The following G3BP2 variants were observed in gnomAD, a reference collection of about 807,000 sequenced individuals.
G3BP2 encodes G3BP stress granule assembly factor 2, also known as ras GTPase-activating protein-binding protein 2.
In G3BP2, 11 loss-of-function variants were observed where a neutral mutation model predicts 56.7. The observed-to-expected ratio is 0.19, with a 90% CI of 0.12 to 0.32. The LOEUF is 0.32. Among genes scored for constraint, G3BP2 ranks in the 10% least tolerant of loss-of-function variants. The pLI, the probability that G3BP2 is intolerant of heterozygous loss-of-function variation, is 1.00. For missense variants in G3BP2, 340 were observed against 610.9 expected, an observed-to-expected ratio of 0.56 and a Z score of 4.67; for synonymous variants, 165 against 191.6, an observed-to-expected ratio of 0.86 and a Z score of 1.15.
chr4:75,660,776 G>T lies in G3BP2; in HGVS notation c.95+1155C>A, dbSNP rs139674898. ...TATTTATCCTTAACCCATCTGGCCA[G>T]TGTGTTCTGCAATACTTACAAAGTC... On this transcript the variant is annotated intron_variant, in intron 2 of 11. Transcript: ENST00000359707. 8.5e-5 allele frequency among the ~76,000 whole-genome samples: 13 copies of T among 152,260 alleles called. No individual in the cohort carries two copies. The East Asian group carries it at 2.5e-3, about 29-fold the overall frequency.
intron 3 of G3BP2, among the ~76,000 whole-genome samples, chr4:75,701,007 A>AT (rs903474793): frequency 6.7e-6 from 1 of 148,422 alleles, no homozygotes; most frequent in African/African-American, 2.5e-5. Flanking sequence ...CCTGCTATAT[A>AT]TTTTTTTGTA....
chr4:75,705,676 G>A (rs570911428), intron 3 of G3BP2, among the ~76,000 whole-genome samples: 9 of 152,202 alleles, frequency 5.9e-5, no homozygotes, highest in South Asian at 4.2e-4. Flanking sequence ...TGGAAAGGCC[G>A]TCCCTCCAGA....
At chr4:75,676,482 A>C (rs1256619923), upstream of G3BP2, among the ~76,000 whole-genome samples, 2 of 151,874 alleles carry the variant, frequency 1.3e-5, no homozygotes, top group African/African-American at 4.8e-5. Flanking sequence ...GGCTAGGACT[A>C]CAGGCATGTG....
chr4:75,684,431 A>C (rs1718488079), intron 3 of G3BP2, among the ~76,000 whole-genome samples: 1 of 151,802 alleles, frequency 6.6e-6, no homozygotes. Context: ...TAAAAATAAT[A>C]AAAATAAAAA....
chr4:75,672,160 CT>C (rs1343261486), intron 1 of G3BP2, among the ~76,000 whole-genome samples: 10 of 151,964 alleles, frequency 6.6e-5, no homozygotes, highest in African/African-American at 1.9e-4. Context: ...GTGCAAGTGC[CT>C]TTTTTTTGTT....
At chr4:75,653,953 T>C (rs755126840) in intron 8 of G3BP2, 30 bp downstream of exon 8, 1 of 956,042 alleles carries the variant, frequency 1.0e-6, no homozygotes, top group Non-Finnish European at 1.7e-6. Flanking sequence ...GTAACAAGGA[T>C]ACAATCCAAT....
At position 75,705,211 on chromosome 4, in the gene G3BP2, A is replaced by G. The variant is rs542368956; in HGVS notation, c.-25+15666T>C. ...CCAGTGGAGGGCTCAGGTCCATTAAACTGCCTGACCTCCCAGCATTCGGGT... is the reference window on the plus strand; with the variant it reads ...CCAGTGGAGGGCTCAGGTCCATTAAGCTGCCTGACCTCCCAGCATTCGGGT... On this transcript the variant is annotated intron_variant, in intron 3 of 3. Coordinates refer to the G3BP2 transcript ENST00000499709. Among the ~76,000 whole-genome samples, 18 of 152,264 alleles carry G rather than the reference A, an allele frequency of 1.2e-4. No homozygotes were observed. The South Asian group carries it at 2.3e-3, about 19-fold the overall frequency.
intron 3 of G3BP2, chr4:75,694,801 G>A (rs1719035831): frequency 1.0e-6 from 1 of 985,520 alleles, no homozygotes; most frequent in Non-Finnish European, 1.2e-6. Context: ...ACCTTACCAA[G>A]TTCCAGGAAG....
At chr4:75,684,185 C>T (rs1238679617) in intron 3 of G3BP2, among the ~76,000 whole-genome samples, 1 of 152,106 alleles carries the variant, frequency 6.6e-6, no homozygotes, top group African/African-American at 2.4e-5. Context: ...GTGGGCGGAT[C>T]ATGAGGTCAA....
At chr4:75,674,718 A>ATATATATATATATATATATATTTTTT (rs1241041465), upstream of G3BP2, among the ~76,000 whole-genome samples, 3 of 71,418 alleles carry the variant, frequency 4.2e-5, no homozygotes, top group African/African-American at 1.8e-4. Context: ...ATATATATAT[A>ATATATATATATATATATATATTTTTT]TTTTTTTTTT....
At chr4:75,718,238 CTTTT>C (rs11339894) in intron 3 of G3BP2, among the ~76,000 whole-genome samples, 1 of 146,220 alleles carries the variant, frequency 6.8e-6, no homozygotes. Context: ...TTCTTTCTTT[CTTTT>C]TTTTTTTTAG....
intron 1 of G3BP2, among the ~76,000 whole-genome samples, chr4:75,662,690 C>T (rs912342385): frequency 6.6e-6 from 1 of 152,104 alleles, no homozygotes; most frequent in East Asian, 1.9e-4. Flanking sequence ...ATTTCCCTAC[C>T]CTTCGGTAAA....
intron 11 of G3BP2, among the ~76,000 whole-genome samples, chr4:75,646,137 T>G (rs1731194810): frequency 6.6e-6 from 1 of 152,210 alleles, no homozygotes; most frequent in Non-Finnish European, 1.5e-5. Context: ...TCTTGCAATC[T>G]TTCCCACCTT....
chr4:75,673,763 G>T, upstream of G3BP2: 1 of 456,032 alleles, frequency 2.2e-6, no homozygotes, highest in Non-Finnish European at 3.5e-6. Context: ...CTGATATTCT[G>T]GTCCTTTTTA....
At chr4:75,720,501 C>CA (rs34007469) in intron 3 of G3BP2, among the ~76,000 whole-genome samples, 1,290 of 115,742 alleles carry the variant, frequency 0.011, 21 homozygotes, top group African/African-American at 0.027. Context: ...GACTCCGTCT[C>CA]AAAAAAAAAA....
At chr4:75,694,973 ATCG>A in intron 3 of G3BP2, 1 of 980,844 alleles carries the variant, frequency 1.0e-6, no homozygotes, top group Non-Finnish European at 1.2e-6. Flanking sequence ...AGAAGAGGTA[ATCG>A]TCAAGACCCG....
chr4:75,691,475 C>T (rs1373064044), intron 3 of G3BP2, among the ~76,000 whole-genome samples: 1 of 152,214 alleles, frequency 6.6e-6, no homozygotes. Flanking sequence ...TCCCAAAGTA[C>T]TGGGATTACA....
chr4:75,691,033 C>T (rs560568378), intron 3 of G3BP2, among the ~76,000 whole-genome samples: 15 of 152,154 alleles, frequency 9.9e-5, no homozygotes, highest in African/African-American at 3.6e-4. Context: ...CCCTGACTCC[C>T]AGACTGGGTA....
chr4:75,657,779 C>T lies in G3BP2; in HGVS notation c.178-49G>A, dbSNP rs772652316. On this transcript the variant is annotated intron_variant, in intron 3 of 11. Transcript: ENST00000359707. ...ATATAAACTCTGTGATACTGCATTA[C>T]CTACACAATAATATTACCTACCCTC... The T allele has an allele frequency of 4.3e-5, 49 of 1,135,728 alleles. 1 individual carries two copies. Among genetic ancestry groups the T allele is most frequent in the South Asian group, 2.5e-4 (19 of 74,524 alleles). 70.4% of individuals were successfully genotyped at this position (1,135,728 alleles called of 1,614,324 possible).
Sources: allele counts gnomAD v4.1 joint callset (sites outside exome capture counted in the v4.1 genomes callset), GRCh38; gene constraint gnomAD v4.1.1; transcripts MANE v1.5; gene names NCBI Gene and HGNC (gene_info 2026-07-23, HGNC 2026-07-21).